COL18A1: variants seen among roughly 807,000 people sequenced by gnomAD.
The protein encoded by COL18A1 is collagen alpha-1(XVIII) chain.
Under a neutral mutation model 168.0 loss-of-function variants are expected in COL18A1, and 133 were observed. The observed-to-expected ratio is 0.79, with a 90% confidence interval of 0.69 to 0.91. The LOEUF is 0.91. COL18A1 is among the 40% of genes least tolerant of loss of function. The probability of loss-of-function intolerance (pLI) is 0.00; values close to 1 mark genes in which losing one functional copy is unlikely to be tolerated. For synonymous variants in COL18A1, 949 were observed against 809.0 expected (o/e 1.17, Z -2.94); for missense variants, 2,126 against 1,925.4 (o/e 1.10, Z -1.95).
chr21:45,479,990 C>A, intron 10 of COL18A1, 26 bp downstream of exon 10: 2 of 1,613,754 alleles, frequency 1.2e-6, no homozygotes, highest in Non-Finnish European at 1.7e-6. Flanking sequence ...TGGGTGGGGC[C>A]CCTTCCTGTG....
rs553846483 is a variant in COL18A1, at chr21:45,489,537, G to A, written c.1959+16G>A. 37 of 1,575,230 alleles carry A rather than the reference G, an allele frequency of 2.3e-5. 1 individual carries two copies. The highest frequency in any genetic ancestry group is 3.4e-4 in the Middle Eastern group (2 of 5,928). ...GGGGGCGAAGGTAAGCGCTGTGCCCGGGTTCAGGGACGTGGCCAGGCAGAG... is the reference window on the plus strand; with the variant it reads ...GGGGGCGAAGGTAAGCGCTGTGCCCAGGTTCAGGGACGTGGCCAGGCAGAG... On this transcript the variant is annotated intron_variant, in intron 19 of 41. Transcript: ENST00000651438.
intron 2 of COL18A1, among the ~76,000 whole-genome samples, chr21:45,433,299 TAACATGCTTTA>T (rs2034013664): frequency 6.6e-6 from 1 of 152,216 alleles, no homozygotes; most frequent in Admixed American, 6.5e-5. Context: ...TTTTTATAGG[TAACATGCTTTA>T]AACAAACTTT....
chr21:45,468,791 C>A lies in COL18A1; in HGVS notation c.651+5C>A. ...GCGGACCCTGACAAGTTCCAGGTAA[C>A]CCCCACTGTGCCGTCGCTGGGGGAC... On this transcript the variant is annotated splice_donor_5th_base_variant and intron_variant, in intron 3 of 41. Transcript: ENST00000651438. 6.3e-7 allele frequency: 1 copy of A among 1,588,592 alleles called. No homozygotes were observed. Among genetic ancestry groups the A allele is most frequent in the Non-Finnish European group, 8.5e-7 (1 of 1,174,332 alleles).
rs867287570 is a variant in COL18A1 at position 45,443,910 on chromosome 21, C to T, written c.107-24332C>T. On this transcript the variant is annotated intron_variant, in intron 2 of 41. Coordinates refer to ENST00000651438, the MANE Select transcript of COL18A1 (RefSeq NM_001379500.1). The surrounding 1 kb of genome is among the most constrained non-coding windows in gnomAD (Gnocchi z 5.2). ...TCCAGACTCCTAGGAAGGGGACCGT[C>T]CTCCCAGTGGCAGCCAGGACTGCCT... is the stretch of plus-strand genomic sequence containing the variant. Among the ~76,000 whole-genome samples, 1 of 152,168 alleles carries T rather than the reference C, an allele frequency of 6.6e-6. No homozygotes were observed.
chr21:45,425,813 G>A lies in COL18A1; in HGVS notation c.106+20340G>A, dbSNP rs950752021. ...AAGCCAGAGCGCCAAGGGCTCTCGG[G>A]ATTCACGAGATCCACATTTATCCCA... is the stretch of plus-strand genomic sequence containing the variant. On this transcript the variant is annotated intron_variant, in intron 2 of 41. Coordinates refer to ENST00000651438, the MANE Select transcript of COL18A1 (RefSeq NM_001379500.1). This position sits in a 1 kb window ranked among gnomAD's most constrained non-coding sequence, Gnocchi z 4.1. Among the ~76,000 whole-genome samples, 19 of 152,092 alleles carry A rather than the reference G, an allele frequency of 1.2e-4. No individual in the cohort carries two copies. The highest frequency in any genetic ancestry group is 4.6e-4 in the African/African-American group (19 of 41,394).
In COL18A1 at chr21:45,507,644, G is replaced by A. The variant is rs75571235; in HGVS notation, c.3249+51G>A. The A allele has an allele frequency of 8.7e-4, 1,342 of 1,541,608 alleles. 6 individuals are homozygous for A. The African/African-American group carries it at 0.015, about 17-fold the overall frequency. The stretch of plus-strand genomic sequence containing the variant: ...CTGGTGGGTGGTCAGGACATGAGGG[G>A]GTATGTGCTGTCCCCTGTTTGAGGA... On this transcript the variant is annotated intron_variant, in intron 38 of 41. Coordinates refer to ENST00000651438, the MANE Select transcript of COL18A1 (RefSeq NM_001379500.1).
chr21:45,476,423 A>C lies in COL18A1; in HGVS notation c.871A>C (p.Thr291Pro). 3.1e-6 allele frequency: 5 copies of C among 1,614,150 alleles called. No individual in the cohort carries two copies. The highest frequency in any genetic ancestry group is 4.2e-6 in the Non-Finnish European group (5 of 1,180,018). ...GCCACCCTTGGCTGGAGGCAGCAGC[A>C]CGGAAGATTCCAGAAGTGAAGAAGT... ...TTPPLAGGSS[T>P]EDSRSEEVEE... The change falls in exon 6 of 42, where the codon ACG (threonine) becomes CCG (proline). Residue 291 changes from threonine to proline, a missense_variant. Thr to Pro is a conservative substitution (Grantham distance 38). Transcript: ENST00000651438.
Position 45,484,016 on chromosome 21 carries a change from T to G in COL18A1, c.1701+1195T>G, listed in dbSNP as rs528825417. Among the ~76,000 whole-genome samples the G allele has an allele frequency of 6.5e-4, 88 of 136,218 alleles. 3 individuals carry two copies. Among genetic ancestry groups the G allele is most frequent in the Non-Finnish European group, 9.9e-4 (65 of 65,632 alleles). 89.4% of individuals were successfully genotyped at this position (136,218 alleles called of 152,430 possible). A position where few individuals can be genotyped will look rare whatever the true frequency, so the allele number is the denominator to read the frequency against. ...CACATGCACACACACCTCTCCAGCA[T>G]ATGTACACATGCACACACACACCTC... is the stretch of plus-strand genomic sequence containing the variant. On this transcript the variant is annotated intron_variant, in intron 15 of 41. Coordinates refer to ENST00000651438, the MANE Select transcript of COL18A1 (RefSeq NM_001379500.1).
At chr21:45,475,050 G>A (rs1415229444) in intron 4 of COL18A1, among the ~76,000 whole-genome samples, 1 of 152,200 alleles carries the variant, frequency 6.6e-6, no homozygotes, top group Non-Finnish European at 1.5e-5. Flanking sequence ...TTCTCCTCCG[G>A]GTTTTCCTGA....
chr21:45,436,965 GGCTGTGGCAGGA>G (rs2034120395), intron 2 of COL18A1, among the ~76,000 whole-genome samples: 3 of 151,946 alleles, frequency 2.0e-5, no homozygotes, highest in African/African-American at 2.4e-5. Flanking sequence ...GGGAGCAGCT[GGCTGTGGCAGGA>G]GCTGTGGCTG....
rs1277631486 is a variant in COL18A1, at chr21:45,498,389, G to C, written c.2683+728G>C. The C allele has an allele frequency of 6.1e-6, 4 of 656,100 alleles. No homozygotes were observed. The highest frequency in any genetic ancestry group is 3.3e-5 in the South Asian group (2 of 60,778). The allele number at this position is 656,100 out of a possible 1,614,324, so 40.6% of individuals were successfully genotyped here. On this transcript the variant is annotated intron_variant, in intron 32 of 41. Coordinates refer to ENST00000651438, the MANE Select transcript of COL18A1 (RefSeq NM_001379500.1). This position sits in a 1 kb window ranked among gnomAD's most constrained non-coding sequence, Gnocchi z 4.5. ...CCACCACGGTCCCCTCTCGCCGCCA[G>C]GGTCCCCTCTCGCCGCCAGGGTCCC...
chr21:45,512,334 CGAGCTG>C lies in COL18A1; in HGVS notation c.3957_3962del (p.Ser1320_Cys1321del). ...GGCAGGCTCCTGGGGCAGAGTGCCG[CGAGCTG>C]CCATCACGCCTACATCGTGCTCTGC... On this transcript the variant is annotated inframe_deletion, in exon 42 of 42. Coordinates refer to ENST00000651438, the MANE Select transcript of COL18A1 (RefSeq NM_001379500.1). 2.5e-6 allele frequency: 4 copies of C among 1,612,656 alleles called. No homozygotes were observed. Among genetic ancestry groups the C allele is most frequent in the Non-Finnish European group, 3.4e-6 (4 of 1,179,832 alleles).
At position 45,498,710 on chromosome 21, in the gene COL18A1, G is replaced by C. The variant is rs1356072907; in HGVS notation, c.2683+1049G>C. On this transcript the variant is annotated intron_variant, in intron 32 of 41. Coordinates refer to ENST00000651438, the MANE Select transcript of COL18A1 (RefSeq NM_001379500.1). The surrounding 1 kb of genome is among the most constrained non-coding windows in gnomAD (Gnocchi z 4.5). ...AGCGTCACACACGACGCCCAGGAAG[G>C]AGTGAATGATGCACAGATGACCAGA... 7.8e-6 allele frequency: 5 copies of C among 637,758 alleles called. No homozygotes were observed. The highest frequency in any genetic ancestry group is 1.4e-5 in the Non-Finnish European group (5 of 350,824). 39.5% of individuals were successfully genotyped at this position (637,758 alleles called of 1,614,324 possible).
intron 13 of COL18A1, 86 bp from the exon 14 acceptor site, chr21:45,481,877 T>C (rs1260055616): frequency 4.2e-6 from 4 of 953,710 alleles, no homozygotes; most frequent in Non-Finnish European, 6.8e-6. Context: ...TCTGGAAACC[T>C]GCGGAAGCCC....
intron 15 of COL18A1, among the ~76,000 whole-genome samples, chr21:45,485,898 A>G (rs2036091119): frequency 6.6e-6 from 1 of 152,194 alleles, no homozygotes; most frequent in Non-Finnish European, 1.5e-5. Context: ...CTGGGCTCAC[A>G]CTATCTCATT....
chr21:45,458,662 G>A (rs907378317), intron 2 of COL18A1, among the ~76,000 whole-genome samples: 2 of 152,152 alleles, frequency 1.3e-5, no homozygotes, highest in Non-Finnish European at 2.9e-5. Context: ...ACCCGGGTCC[G>A]GTGTCCTGGA....
chr21:45,476,540 GTGTT>G (rs1234276144), intron 6 of COL18A1, 60 bp downstream of exon 6: 25 of 1,542,680 alleles, frequency 1.6e-5, no homozygotes, highest in Non-Finnish European at 1.8e-5. Flanking sequence ...TGTGTAACGT[GTGTT>G]TGTGTGATGG....
intron 21 of COL18A1, 145 bp downstream of exon 21, chr21:45,491,016 G>C (rs1293175230): frequency 2.2e-6 from 2 of 907,074 alleles, no homozygotes; most frequent in African/African-American, 3.3e-5. Flanking sequence ...GACAGGGGTG[G>C]CTTTCAGGCT....
rs1486900348 is a variant in COL18A1 at position 45,495,441 on chromosome 21, C to T, written c.2508+9C>T. On this transcript the variant is annotated intron_variant, in intron 29 of 41. Coordinates refer to ENST00000651438, the MANE Select transcript of COL18A1 (RefSeq NM_001379500.1). ...TTGGATTTGGCATGAGGGTGAGTGT[C>T]TCTCAAGGGGCGGACTGGGTGGCTG... 1 of 1,602,298 alleles carries T rather than the reference C, an allele frequency of 6.2e-7. No homozygotes were observed. Among genetic ancestry groups the T allele is most frequent in the Non-Finnish European group, 8.5e-7 (1 of 1,173,722 alleles).
Sources: allele counts gnomAD v4.1 joint callset (sites outside exome capture counted in the v4.1 genomes callset), GRCh38; gene constraint gnomAD v4.1.1; non-coding constraint Gnocchi (gnomAD v3.1); transcripts MANE v1.5; gene names NCBI Gene and HGNC (gene_info 2026-07-23, HGNC 2026-07-21).